The following MELK variants were observed in gnomAD, a reference collection of about 807,000 sequenced individuals.
MELK encodes the protein maternal embryonic leucine zipper kinase.
Under a neutral mutation model 85.0 loss-of-function variants are expected in MELK, and 81 were observed. The observed-to-expected ratio is 0.95, with a 90% confidence interval of 0.80 to 1.15. The LOEUF (loss-of-function observed/expected upper bound fraction) is 1.15, where lower values mean the gene tolerates loss of function less well. MELK is among the 50% of genes most tolerant of loss of function. The probability of loss-of-function intolerance (pLI) is 0.00; values close to 1 mark genes in which losing one functional copy is unlikely to be tolerated. For synonymous variants in MELK, 252 were observed against 265.0 expected (o/e 0.95, Z 0.48); for missense variants, 754 against 777.5 (o/e 0.97, Z 0.36).
rs756038905 is a variant in MELK at position 36,599,528 on chromosome 9, T to G, written c.567+42T>G. The G allele has an allele frequency of 2.0e-5, 29 of 1,460,346 alleles. No individual in the cohort carries two copies. The Admixed American group carries it at 4.4e-4, about 22-fold the overall frequency. 90.5% of individuals were successfully genotyped at this position (1,460,346 alleles called of 1,614,324 possible). ...TAATTCATTATATAATCAGCAGACATTTATATTGGTCACCTGTAGTGAGTC... is the reference window on the plus strand; with the variant it reads ...TAATTCATTATATAATCAGCAGACAGTTATATTGGTCACCTGTAGTGAGTC... On this transcript the variant is annotated intron_variant, in intron 7 of 17. Coordinates refer to ENST00000298048, the MANE Select transcript of MELK (RefSeq NM_014791.4).
intron 16 of MELK, among the ~76,000 whole-genome samples, chr9:36,672,552 C>T (rs962459693): frequency 8.5e-5 from 13 of 152,294 alleles, no homozygotes; most frequent in Non-Finnish European, 1.6e-4. Flanking sequence ...TCCAGTACTT[C>T]CAGAATGTAG....
At chr9:36,599,016 C>T (rs1392446963) in intron 6 of MELK, among the ~76,000 whole-genome samples, 4 of 152,256 alleles carry the variant, frequency 2.6e-5, no homozygotes, top group African/African-American at 9.6e-5. Context: ...TTTTATCGGC[C>T]AGGCGTGGTG....
At chr9:36,635,829 C>T (rs1829081187) in intron 10 of MELK, among the ~76,000 whole-genome samples, 1 of 146,454 alleles carries the variant, frequency 6.8e-6, no homozygotes, top group South Asian at 2.2e-4. Context: ...TGGAGTCTCG[C>T]TCTGATGCCC....
intron 9 of MELK, 129 bp from the exon 10 acceptor site, chr9:36,632,973 T>A (rs979378172): frequency 1.9e-5 from 13 of 687,306 alleles, no homozygotes; most frequent in Non-Finnish European, 3.2e-5. Flanking sequence ...CATTTTAAAG[T>A]CTTTGACAGC....
At chr9:36,624,441 A>G (rs1227030434) in intron 8 of MELK, among the ~76,000 whole-genome samples, 1 of 152,190 alleles carries the variant, frequency 6.6e-6, no homozygotes, top group Non-Finnish European at 1.5e-5. Flanking sequence ...GGAGCCAGTA[A>G]GAGGCGGAAC....
At position 36,589,550 on chromosome 9, in the gene MELK, G is replaced by T; in HGVS notation, c.159G>T (p.Arg53=). The T allele has an allele frequency of 6.2e-7, 1 of 1,613,520 alleles. No homozygotes were observed. Among genetic ancestry groups the T allele is most frequent in the Non-Finnish European group, 8.5e-7 (1 of 1,179,550 alleles). The part of the protein sequence containing the change: ...DKNTLGSDLP[R]IKTEIEALKN... ...TTTTGTCACAGAGTGATTTGCCCCGGATCAAAACGGAGATTGAGGCCTTGA... is the reference window on the plus strand; with the variant it reads ...TTTTGTCACAGAGTGATTTGCCCCGTATCAAAACGGAGATTGAGGCCTTGA... The change falls in exon 4 of 18, where the codon CGG becomes CGT. Residue 53 remains arginine, a synonymous_variant. Transcript: ENST00000298048.
intron 7 of MELK, among the ~76,000 whole-genome samples, chr9:36,600,610 C>T (rs777544257): frequency 5.9e-5 from 9 of 152,220 alleles, no homozygotes; most frequent in Non-Finnish European, 1.2e-4. Context: ...TGGTCTCGAT[C>T]TGCTGACCTC....
chr9:36,587,193 AAAG>A (rs1437486729), intron 3 of MELK, among the ~76,000 whole-genome samples: 2 of 151,904 alleles, frequency 1.3e-5, no homozygotes, highest in Non-Finnish European at 2.9e-5. Flanking sequence ...CCCCACAAAG[AAAG>A]AAGATTATCA....
At position 36,677,503 on chromosome 9, in the gene MELK, G is replaced by A. The variant is rs780827863; in HGVS notation, c.*166G>A. The A allele has an allele frequency of 1.3e-4, 72 of 562,598 alleles. No homozygotes were observed. Among genetic ancestry groups the A allele is most frequent in the Non-Finnish European group, 1.7e-4 (60 of 347,926 alleles). 34.9% of individuals were successfully genotyped at this position (562,598 alleles called of 1,614,324 possible). On this transcript the variant is annotated 3_prime_UTR_variant, in exon 18 of 18. Transcript: ENST00000298048. ...GTTTTTAAACAAAAGATATTATTTT[G>A]TGTATGAATCTAAATCAAGCCCATC...
At chr9:36,653,359 T>C (rs1290833280) in intron 12 of MELK, among the ~76,000 whole-genome samples, 1 of 152,136 alleles carries the variant, frequency 6.6e-6, no homozygotes, top group Non-Finnish European at 1.5e-5. Flanking sequence ...TTGCCCAGGC[T>C]GGTCTTGAAC....
rs10608377 is a variant in MELK, at chr9:36,627,053, A to AACACACACACACACACAC, written c.667-3227_667-3210dup. On this transcript the variant is annotated intron_variant, in intron 8 of 17. Transcript: ENST00000298048. Reference sequence around the variant, plus strand: ...GAAGACAAGGACAAGCACAAGCGCAAACACACACACACACACACACACACA... The same window carrying AACACACACACACACACAC: ...GAAGACAAGGACAAGCACAAGCGCAAACACACACACACACACACACACACACACACACACACACACACA... Among the ~76,000 whole-genome samples the AACACACACACACACACAC allele has an allele frequency of 6.2e-3, 874 of 140,940 alleles. 12 individuals carry two copies. The highest frequency in any genetic ancestry group is 0.018 in the African/African-American group (668 of 37,938). The allele number at this position is 140,940 out of a possible 152,430, so 92.5% of individuals were successfully genotyped here.
intron 3 of MELK, among the ~76,000 whole-genome samples, chr9:36,587,051 G>A (rs1358871132): frequency 2.6e-5 from 4 of 151,842 alleles, no homozygotes; most frequent in Admixed American, 1.3e-4. Flanking sequence ...GGTTTTCACC[G>A]TGTTAGCCAG....
intron 11 of MELK, among the ~76,000 whole-genome samples, chr9:36,643,933 CAAA>C (rs796275817): frequency 9.7e-5 from 9 of 92,316 alleles, no homozygotes; most frequent in Admixed American, 2.6e-4. Flanking sequence ...GACTCCATCT[CAAA>C]AAAAAAAAAA....
chr9:36,595,890 A>C (rs536202334), intron 5 of MELK, among the ~76,000 whole-genome samples: 1 of 152,142 alleles, frequency 6.6e-6, no homozygotes, highest in African/African-American at 2.4e-5. Context: ...ATCTTGGCTC[A>C]CTGCAACCTC....
chr9:36,633,036 G>A (rs917741656), intron 9 of MELK, 66 bp from the exon 10 acceptor site: 1 of 1,141,186 alleles, frequency 8.8e-7, no homozygotes, highest in Middle Eastern at 2.0e-4. Flanking sequence ...TAGTTTTCAG[G>A]AGGAAAGGTG....
intron 17 of MELK, among the ~76,000 whole-genome samples, chr9:36,676,001 C>T (rs1464996572): frequency 6.6e-6 from 1 of 152,172 alleles, no homozygotes; most frequent in Non-Finnish European, 1.5e-5. Context: ...ATCTCTCCCA[C>T]TCTGATCTCT....
At chr9:36,581,613 C>T in intron 1 of MELK, 31 bp from the exon 2 acceptor site, 1 of 1,095,060 alleles carries the variant, frequency 9.1e-7, no homozygotes, top group South Asian at 1.4e-5. Flanking sequence ...GTATTATTTC[C>T]TTTATTGATT....
At chr9:36,581,090 A>G (rs1822192598) in intron 1 of MELK, among the ~76,000 whole-genome samples, 1 of 152,054 alleles carries the variant, frequency 6.6e-6, no homozygotes, top group African/African-American at 2.4e-5. Context: ...GTTTTGTCAG[A>G]GTTTATGTGT....
intron 10 of MELK, among the ~76,000 whole-genome samples, chr9:36,640,410 G>T (rs1434906015): frequency 6.6e-6 from 1 of 152,098 alleles, no homozygotes; most frequent in Non-Finnish European, 1.5e-5. Flanking sequence ...AAAGGGGAAA[G>T]GCCTCTGGAG....
Sources: allele counts gnomAD v4.1 joint callset (sites outside exome capture counted in the v4.1 genomes callset), GRCh38; gene constraint gnomAD v4.1.1; transcripts MANE v1.5; gene names NCBI Gene and HGNC (gene_info 2026-07-23, HGNC 2026-07-21).